Variants in WWTR1 observed in about 807,000 individuals in gnomAD.
The protein encoded by WWTR1 is WW domain-containing transcription regulator protein 1.
Under a neutral mutation model 40.1 loss-of-function variants are expected in WWTR1, and 13 were observed. The ratio of observed to expected loss-of-function variants is 0.32; its 90% CI spans 0.21 to 0.52. The LOEUF is 0.52. WWTR1 is among the 20% of genes least tolerant of loss of function. The probability of loss-of-function intolerance (pLI) is 0.97; values close to 1 mark genes in which losing one functional copy is unlikely to be tolerated. For missense variants in WWTR1, 436 were observed against 523.1 expected (o/e 0.83, Z 1.63); for synonymous variants, 230 against 210.1 (o/e 1.09, Z -0.82).
chr3:149,604,591 C>T (rs57009215), intron 2 of WWTR1, among the ~76,000 whole-genome samples: 3,710 of 152,302 alleles, frequency 0.024, 128 homozygotes, highest in African/African-American at 0.08. Context: ...ACAAGGGCTG[C>T]CTTAATCCCT....
intron 6 of WWTR1, among the ~76,000 whole-genome samples, chr3:149,522,202 T>G (rs1035014091): frequency 1.3e-5 from 2 of 152,240 alleles, no homozygotes; most frequent in Non-Finnish European, 2.9e-5. Context: ...TTATCTTTTG[T>G]GTGTTACAAG....
chr3:149,548,011 T>C (rs546542126), intron 3 of WWTR1, among the ~76,000 whole-genome samples: 9 of 139,896 alleles, frequency 6.4e-5, no homozygotes, highest in African/African-American at 1.8e-4. Context: ...ACACTTTTGA[T>C]TCAATGACTG....
At chr3:149,643,893 C>A (rs1712334806) in intron 2 of WWTR1, among the ~76,000 whole-genome samples, 1 of 152,060 alleles carries the variant, frequency 6.6e-6, no homozygotes, top group Admixed American at 6.6e-5. Flanking sequence ...TCTGGATTTC[C>A]TCCTACCTCT....
upstream of WWTR1, among the ~76,000 whole-genome samples, chr3:149,705,079 T>A (rs181438706): frequency 1.2e-4 from 18 of 152,142 alleles, no homozygotes; most frequent in African/African-American, 4.1e-4. Context: ...ACAGTTTATA[T>A]GATAAAGTTG....
intron 2 of WWTR1, among the ~76,000 whole-genome samples, chr3:149,633,971 A>C (rs1711683767): frequency 6.6e-6 from 1 of 152,172 alleles, no homozygotes; most frequent in Admixed American, 6.5e-5. Context: ...ATCATGAAGG[A>C]AGATTAGCCT....
intron 3 of WWTR1, among the ~76,000 whole-genome samples, chr3:149,543,608 T>C (rs978149672): frequency 2.7e-4 from 17 of 62,856 alleles, no homozygotes; most frequent in Non-Finnish European, 5.5e-4. Context: ...AAAAAAGAAC[T>C]TCACTTTACA....
At chr3:149,641,966 A>G (rs1305287592) in intron 2 of WWTR1, among the ~76,000 whole-genome samples, 1 of 152,244 alleles carries the variant, frequency 6.6e-6, no homozygotes, top group African/African-American at 2.4e-5. Context: ...GATGATAGAT[A>G]AGATAGCTAA....
At chr3:149,713,181 T>C (rs1715519512) in intron 5 of WWTR1, among the ~76,000 whole-genome samples, 1 of 152,200 alleles carries the variant, frequency 6.6e-6, no homozygotes, top group Non-Finnish European at 1.5e-5. Flanking sequence ...AAGTCCAGAA[T>C]ATATTTTTCC....
intron 3 of WWTR1, among the ~76,000 whole-genome samples, chr3:149,567,193 CAA>C (rs11446548): frequency 1.6e-5 from 2 of 126,752 alleles, no homozygotes. Context: ...ACCAAAAAGG[CAA>C]AAAAAAAAAG....
chr3:149,646,557 T>C (rs148158383), intron 2 of WWTR1, among the ~76,000 whole-genome samples: 2 of 152,346 alleles, frequency 1.3e-5, no homozygotes, highest in African/African-American at 4.8e-5. Context: ...CACTAAGCTA[T>C]ATAATCAGTT....
chr3:149,563,625 G>A (rs919629546), intron 3 of WWTR1, among the ~76,000 whole-genome samples: 1 of 152,154 alleles, frequency 6.6e-6, no homozygotes, highest in African/African-American at 2.4e-5. Context: ...TTAAAAAGTT[G>A]GTGGGCATAC....
upstream of WWTR1, among the ~76,000 whole-genome samples, chr3:149,662,177 T>TAAA (rs113524876): frequency 5.7e-3 from 851 of 150,484 alleles, 8 homozygotes; most frequent in African/African-American, 0.02. Context: ...GAAACCATGT[T>TAAA]AAAAAAAAAC....
At position 149,656,787 on chromosome 3, in the gene WWTR1, T is replaced by TCACA. The variant is rs1274240073; in HGVS notation, c.431+88_431+89insTGTG. 7.7e-3 allele frequency: 6,611 copies of TCACA among 853,630 alleles called. 34 individuals are homozygous for TCACA. The highest frequency in any genetic ancestry group is 0.018 in the Middle Eastern group (44 of 2,408). The allele number at this position is 853,630 out of a possible 1,614,324, so 52.9% of individuals were successfully genotyped here. A position where few individuals can be genotyped will look rare whatever the true frequency, so the allele number is the denominator to read the frequency against. On this transcript the variant is annotated intron_variant, in intron 2 of 6. Transcript: ENST00000360632. ...CTTTCTCTCTCTCTCTCTCTCTCTC[T>TCACA]CTCTCACACACACACACACACACAC...
chr3:149,707,991 C>T (rs1034554989), upstream of WWTR1, among the ~76,000 whole-genome samples: 9 of 151,282 alleles, frequency 5.9e-5, no homozygotes, highest in South Asian at 1.9e-3. Context: ...CTGCCTGATT[C>T]CTTTGTCCTA....
chr3:149,709,414 T>G (rs1215873109), intron 5 of WWTR1, among the ~76,000 whole-genome samples: 2 of 152,224 alleles, frequency 1.3e-5, no homozygotes, highest in Non-Finnish European at 2.9e-5. Context: ...TTTGTATGTC[T>G]TCTTTAGAGA....
At chr3:149,599,098 G>T (rs6790571) in intron 2 of WWTR1, among the ~76,000 whole-genome samples, 14 of 152,150 alleles carry the variant, frequency 9.2e-5, no homozygotes, top group African/African-American at 2.9e-4. Flanking sequence ...AAATGGCAAT[G>T]ACCAAGGTCT....
At chr3:149,640,833 C>A (rs879658825) in intron 2 of WWTR1, among the ~76,000 whole-genome samples, 2 of 152,034 alleles carry the variant, frequency 1.3e-5, no homozygotes, top group Admixed American at 1.3e-4. Context: ...ATAAAAAAAA[C>A]AATTCCTAAG....
chr3:149,553,838 T>A (rs1456106118), intron 3 of WWTR1, among the ~76,000 whole-genome samples: 1 of 152,024 alleles, frequency 6.6e-6, no homozygotes, highest in Non-Finnish European at 1.5e-5. Context: ...CAACGTCAGG[T>A]GTCACGCAGC....
intron 2 of WWTR1, among the ~76,000 whole-genome samples, chr3:149,629,697 G>C (rs1711503764): frequency 6.6e-6 from 1 of 152,136 alleles, no homozygotes; most frequent in South Asian, 2.1e-4. Context: ...AAAAATCCCT[G>C]TAAGTTTTAA....
Sources: allele counts gnomAD v4.1 joint callset (sites outside exome capture counted in the v4.1 genomes callset), GRCh38; gene constraint gnomAD v4.1.1; transcripts MANE v1.5; gene names NCBI Gene and HGNC (gene_info 2026-07-23, HGNC 2026-07-21).